GFRA1: variants seen among roughly 807,000 people sequenced by gnomAD.
GFRA1 encodes GDNF family receptor alpha-1.
GFRA1 carries 16 observed loss-of-function variants against 51.6 expected under a neutral mutation model. That is an observed-to-expected ratio of 0.31 (90% confidence interval 0.21 to 0.47). The LOEUF is 0.47. Among genes scored for constraint, GFRA1 ranks in the 20% least tolerant of loss-of-function variants. The probability of loss-of-function intolerance (pLI) is 1.00; values close to 1 mark genes in which losing one functional copy is unlikely to be tolerated. For missense variants in GFRA1, 530 were observed against 594.3 expected (o/e 0.89, Z 1.13); for synonymous variants, 270 against 241.3 (o/e 1.12, Z -1.10).
chr10:116,098,406 G>C (rs1256976291), intron 6 of GFRA1, among the ~76,000 whole-genome samples: 1 of 152,192 alleles, frequency 6.6e-6, no homozygotes, highest in African/African-American at 2.4e-5. Context: ...TAAAGGATTC[G>C]TTTTTCAGAG....
At chr10:116,080,811 T>C (rs1368652065) in intron 9 of GFRA1, among the ~76,000 whole-genome samples, 2 of 152,120 alleles carry the variant, frequency 1.3e-5, no homozygotes, top group Non-Finnish European at 1.5e-5. Flanking sequence ...CTGATCCCCA[T>C]GGTGTGGGGA....
chr10:116,225,367 T>C (rs1966207055), intron 4 of GFRA1, among the ~76,000 whole-genome samples: 1 of 151,370 alleles, frequency 6.6e-6, no homozygotes, highest in Non-Finnish European at 1.5e-5. Context: ...AAACACTGTC[T>C]CTACTAAAAA....
rs1236385232 is a variant in GFRA1, at chr10:116,144,646, T to C, written c.434-19089A>G. On this transcript the variant is annotated intron_variant, in intron 5 of 10. Coordinates refer to ENST00000355422, the MANE Select transcript of GFRA1 (RefSeq NM_005264.8). ...GCCCTGTGACAACTGAGTATTCCCT[T>C]GAAAAAAGATAAAATTAGATTCATA... Among the ~76,000 whole-genome samples, 3 of 151,992 alleles carry C rather than the reference T, an allele frequency of 2.0e-5. No individual in the cohort carries two copies. In the East Asian group the frequency reaches 5.8e-4, roughly 29 times the overall value.
rs976983922 is a variant in GFRA1, at chr10:116,238,055, G to T, written c.419-26410C>A. On this transcript the variant is annotated intron_variant, in intron 4 of 10. Transcript: ENST00000355422. ...ACCCTCAACTGCTTCCAAATGCGCC[G>T]TAAAGCTGACACACGGAGCCTCGTT... is the stretch of plus-strand genomic sequence containing the variant. 2.0e-5 allele frequency among the ~76,000 whole-genome samples: 3 copies of T among 152,146 alleles called. No homozygotes were observed. The East Asian group carries it at 5.8e-4, about 29-fold the overall frequency.
At chr10:116,120,941 G>A (rs536802432) in intron 6 of GFRA1, among the ~76,000 whole-genome samples, 1 of 152,276 alleles carries the variant, frequency 6.6e-6, no homozygotes, top group African/African-American at 2.4e-5. Flanking sequence ...GGGCGGCTTC[G>A]CAGGCTTGGG....
chr10:116,102,459 C>CT lies in GFRA1; in HGVS notation c.771-5696dup, dbSNP rs1245941850. 3.3e-5 allele frequency among the ~76,000 whole-genome samples: 5 copies of CT among 152,334 alleles called. No homozygotes were observed. The East Asian group carries it at 9.6e-4, about 29-fold the overall frequency. ...GTACCCCACCAGGGACTGCACAGCA[C>CT]TGCAGGGCTTGACCACTGTATTAGT... On this transcript the variant is annotated intron_variant, in intron 6 of 10. Transcript: ENST00000355422.
chr10:116,118,248 T>A (rs1957508196), intron 6 of GFRA1, among the ~76,000 whole-genome samples: 1 of 152,218 alleles, frequency 6.6e-6, no homozygotes, highest in Non-Finnish European at 1.5e-5. Flanking sequence ...TCATCGCTTC[T>A]CATGGGTCAA....
chr10:116,156,366 AT>A (rs1473113083), intron 5 of GFRA1, among the ~76,000 whole-genome samples: 2 of 152,190 alleles, frequency 1.3e-5, no homozygotes, highest in African/African-American at 2.4e-5. Context: ...TTTAAACAGA[AT>A]TTTATTTTGC....
At chr10:116,227,387 A>C (rs1966375926) in intron 4 of GFRA1, among the ~76,000 whole-genome samples, 1 of 152,214 alleles carries the variant, frequency 6.6e-6, no homozygotes, top group African/African-American at 2.4e-5. Context: ...AGATGAAGTA[A>C]TGTGGCCAGC....
intron 5 of GFRA1, among the ~76,000 whole-genome samples, chr10:116,141,474 T>A (rs181419360): frequency 2.0e-5 from 3 of 152,154 alleles, no homozygotes; most frequent in South Asian, 4.2e-4. Flanking sequence ...TGAGAGTATA[T>A]GCTCTGCCTC....
At chr10:116,266,328 A>C (rs1028102243) in intron 4 of GFRA1, among the ~76,000 whole-genome samples, 1 of 152,226 alleles carries the variant, frequency 6.6e-6, no homozygotes, top group African/African-American at 2.4e-5. Flanking sequence ...TGGCTTCCTC[A>C]GATAAATTTT....
At chr10:116,200,421 A>C (rs1964236296) in intron 5 of GFRA1, among the ~76,000 whole-genome samples, 1 of 152,234 alleles carries the variant, frequency 6.6e-6, no homozygotes. Flanking sequence ...ACTTCTACTT[A>C]AGTTTTGGGA....
At chr10:116,088,561 T>C (rs914773723) in intron 9 of GFRA1, among the ~76,000 whole-genome samples, 2 of 152,020 alleles carry the variant, frequency 1.3e-5, no homozygotes, top group African/African-American at 2.4e-5. Context: ...CGAAAGAAGC[T>C]ACGATACTAT....
intron 5 of GFRA1, among the ~76,000 whole-genome samples, chr10:116,171,737 C>T (rs902380166): frequency 1.1e-4 from 16 of 152,142 alleles, no homozygotes; most frequent in Admixed American, 5.2e-4. Flanking sequence ...AGCGGCTTTC[C>T]TTGAATTTTC....
intron 5 of GFRA1, among the ~76,000 whole-genome samples, chr10:116,154,330 T>C (rs1959165739): frequency 6.6e-6 from 1 of 152,186 alleles, no homozygotes; most frequent in African/African-American, 2.4e-5. Flanking sequence ...TATCCAACTG[T>C]AGAAAGGATA....
At chr10:116,109,362 G>A (rs1028594648) in intron 6 of GFRA1, among the ~76,000 whole-genome samples, 1 of 152,192 alleles carries the variant, frequency 6.6e-6, no homozygotes, top group African/African-American at 2.4e-5. Context: ...ATCTGATTTA[G>A]GTGGATATGT....
intron 6 of GFRA1, among the ~76,000 whole-genome samples, chr10:116,118,478 C>G (rs1957517040): frequency 6.6e-6 from 1 of 152,150 alleles, no homozygotes; most frequent in African/African-American, 2.4e-5. Context: ...TTCTTCCCAC[C>G]TCAACCACTG....
chr10:116,083,740 T>C (rs1037554582), intron 9 of GFRA1, among the ~76,000 whole-genome samples: 1 of 152,200 alleles, frequency 6.6e-6, no homozygotes, highest in Non-Finnish European at 1.5e-5. Context: ...AAATCATTTC[T>C]GGTCTGGTCT....
At chr10:116,088,852 C>T (rs960223179) in intron 9 of GFRA1, among the ~76,000 whole-genome samples, 13 of 128,728 alleles carry the variant, frequency 1.0e-4, no homozygotes, top group East Asian at 5.5e-4. Flanking sequence ...ACCCGGGAGG[C>T]GGAGCTTGCA....
Sources: allele counts gnomAD v4.1 joint callset (sites outside exome capture counted in the v4.1 genomes callset), GRCh38; gene constraint gnomAD v4.1.1; transcripts MANE v1.5; gene names NCBI Gene and HGNC (gene_info 2026-07-23, HGNC 2026-07-21).